The following TBCB variants were observed in gnomAD, a reference collection of about 807,000 sequenced individuals.
TBCB encodes the protein tubulin folding cofactor B.
In TBCB, 18 loss-of-function variants were observed where a neutral mutation model predicts 29.2. That is an observed-to-expected ratio of 0.62 (90% CI 0.43 to 0.91). The LOEUF is 0.91. Ranked by LOEUF, TBCB falls within the 40% of genes least tolerant of loss-of-function variation. TBCB has a pLI of 0.00. For synonymous variants in TBCB, 172 were observed against 137.8 expected (o/e 1.25, Z -1.74); for missense variants, 336 against 337.6 (o/e 1.00, Z 0.04).
chr19:36,116,328 C>T (rs1372038344), intron 2 of TBCB, 144 bp downstream of exon 2: 3 of 1,117,210 alleles, frequency 2.7e-6, no homozygotes, highest in Non-Finnish European at 3.8e-6. Context: ...GAGAGACAGA[C>T]CCATCATTAG....
rs1006725327 is a variant in TBCB at position 36,116,211 on chromosome 19, C to T, written c.258+27C>T. 8.1e-6 allele frequency: 13 copies of T among 1,607,308 alleles called. No homozygotes were observed. In the East Asian group the frequency reaches 1.6e-4, roughly 19 times the overall value. ...TGAGGACTCTCTATCTGGGACACTC[C>T]CCCACCCCACCTTTCATTTGGTTAT... On this transcript the variant is annotated intron_variant, in intron 2 of 5. Coordinates refer to ENST00000221855, the MANE Select transcript of TBCB (RefSeq NM_001281.3).
At chr19:36,125,032 T>C (rs1233717236) in intron 4 of TBCB, among the ~76,000 whole-genome samples, 1 of 152,178 alleles carries the variant, frequency 6.6e-6, no homozygotes, top group Non-Finnish European at 1.5e-5. Context: ...CTGAGTTGTG[T>C]ATTAGTTTGC....
intron 2 of TBCB, chr19:36,116,404 A>G: frequency 2.0e-6 from 1 of 503,512 alleles, no homozygotes; most frequent in Non-Finnish European, 3.4e-6. Flanking sequence ...GCCACCAAGA[A>G]GAGGTGCCTG....
At chr19:36,121,743 C>A in intron 4 of TBCB, 25 bp downstream of exon 4, 1 of 1,548,094 alleles carries the variant, frequency 6.5e-7, no homozygotes, top group South Asian at 1.2e-5. Context: ...GGCCCGGTCC[C>A]GGGCTCCAGG....
chr19:36,117,358 G>T (rs892967606), intron 2 of TBCB, among the ~76,000 whole-genome samples: 1 of 152,102 alleles, frequency 6.6e-6, no homozygotes, highest in Non-Finnish European at 1.5e-5. Context: ...GTTTTGTTTT[G>T]TTCGAGACAG....
rs1973935311 is a variant in TBCB at position 36,115,615 on chromosome 19, C to T, written c.55C>T (p.Leu19Phe). 1.2e-6 allele frequency: 2 copies of T among 1,609,876 alleles called. No individual in the cohort carries two copies. Among genetic ancestry groups the T allele is most frequent in the Non-Finnish European group, 8.5e-7 (1 of 1,178,558 alleles). ...PTVTVFISSS[L>F]NTFRSEKRYS... ...GGTGACCGTTTTCATCAGCAGCTCC[C>T]TCAACACCTTCCGCTCCGAGAAGCG... Residue 19 changes from leucine to phenylalanine, a missense_variant, in exon 1 of 6, where the codon CTC (leucine) becomes TTC (phenylalanine). By Grantham distance (22) the Leu-to-Phe change is conservative. Coordinates refer to ENST00000221855, the MANE Select transcript of TBCB (RefSeq NM_001281.3).
intron 2 of TBCB, among the ~76,000 whole-genome samples, chr19:36,116,937 C>G (rs118095168): frequency 0.014 from 2,199 of 152,192 alleles, 125 homozygotes; most frequent in South Asian, 0.13. Flanking sequence ...TGTCCTTATT[C>G]CCTCCCGACC....
chr19:36,120,876 G>C, intron 3 of TBCB, 70 bp downstream of exon 3: 4 of 1,454,932 alleles, frequency 2.7e-6, no homozygotes, highest in Non-Finnish European at 3.8e-6. Flanking sequence ...AGGGCGGGCA[G>C]GTTAGACAGG....
At chr19:36,115,791 C>A in intron 1 of TBCB, 117 bp downstream of exon 1, 1 of 1,167,062 alleles carries the variant, frequency 8.6e-7, no homozygotes. Flanking sequence ...TGATCCCAGG[C>A]TGCGGAGGCT....
intron 5 of TBCB, 21 bp from the exon 6 acceptor site, chr19:36,125,647 C>T: frequency 1.3e-6 from 2 of 1,592,718 alleles, no homozygotes; most frequent in Non-Finnish European, 1.7e-6. Flanking sequence ...TGACCACACC[C>T]ACCCCTATCC....
intron 4 of TBCB, among the ~76,000 whole-genome samples, chr19:36,124,951 A>C (rs1974112835): frequency 6.6e-6 from 1 of 151,588 alleles, no homozygotes; most frequent in East Asian, 1.9e-4. Context: ...TTTTTTTTGC[A>C]AAGTGGGTGT....
Position 36,116,125 on chromosome 19 carries a change from C to T in TBCB, c.199C>T (p.Leu67=). Residue 67 remains leucine, a synonymous_variant, in exon 2 of 6, where the codon CTG becomes TTG. Coordinates refer to ENST00000221855, the MANE Select transcript of TBCB (RefSeq NM_001281.3). The part of the protein sequence containing the change: ...YGVDDKFYSK[L]DQEDALLGSY... ...AGTTGACGACAAGTTCTACAGCAAG[C>T]TGGATCAAGAGGATGCGCTCCTGGG... The T allele has an allele frequency of 1.2e-6, 2 of 1,614,168 alleles. No homozygotes were observed. The highest frequency in any genetic ancestry group is 2.2e-5 in the South Asian group (2 of 91,078).
chr19:36,121,195 G>A (rs1207752186), intron 3 of TBCB, among the ~76,000 whole-genome samples: 1 of 19,432 alleles, frequency 5.1e-5, no homozygotes, highest in Non-Finnish European at 8.6e-5. Flanking sequence ...GGGACGGATC[G>A]AGTGTTGGGG....
At chr19:36,115,455 A>T, upstream of TBCB, 1 of 836,912 alleles carries the variant, frequency 1.2e-6, no homozygotes, top group South Asian at 1.6e-5. Context: ...TCAGGCACGG[A>T]GCAGGAGGCG....
intron 2 of TBCB, among the ~76,000 whole-genome samples, chr19:36,119,688 T>G (rs964795237): frequency 6.6e-6 from 1 of 152,084 alleles, no homozygotes; most frequent in Non-Finnish European, 1.5e-5. Flanking sequence ...GGTCAGGAGT[T>G]CTAGACCAGC....
intron 2 of TBCB, among the ~76,000 whole-genome samples, chr19:36,118,249 A>G (rs1330024189): frequency 2.0e-5 from 3 of 152,196 alleles, no homozygotes; most frequent in African/African-American, 7.2e-5. Flanking sequence ...TGTTGGCTAA[A>G]TGGCCAGAGG....
chr19:36,120,567 G>A, intron 2 of TBCB, 143 bp from the exon 3 acceptor site: 1 of 656,576 alleles, frequency 1.5e-6, no homozygotes, highest in South Asian at 1.8e-5. Context: ...CTTCCGCTGG[G>A]CTCAGGAGAG....
intron 3 of TBCB, among the ~76,000 whole-genome samples, chr19:36,121,183 C>T (rs1388188513): frequency 1.0e-5 from 1 of 97,224 alleles, no homozygotes; most frequent in Non-Finnish European, 2.0e-5. Context: ...GTGAGGGCGC[C>T]TGGGACGGAT....
chr19:36,125,552 T>C, intron 5 of TBCB, 29 bp downstream of exon 5: 1 of 1,613,156 alleles, frequency 6.2e-7, no homozygotes, highest in Non-Finnish European at 8.5e-7. Flanking sequence ...CAGGTGTCTG[T>C]GTGTGCATTT....
Sources: allele counts gnomAD v4.1 joint callset (sites outside exome capture counted in the v4.1 genomes callset), GRCh38; gene constraint gnomAD v4.1.1; transcripts MANE v1.5; gene names NCBI Gene and HGNC (gene_info 2026-07-23, HGNC 2026-07-21).